The following DNAAF9 variants were observed in gnomAD, a reference collection of about 807,000 sequenced individuals.
The protein encoded by DNAAF9 is shulin.
Under a neutral mutation model 167.0 loss-of-function variants are expected in DNAAF9, and 90 were observed. The observed-to-expected ratio is 0.54, with a 90% CI of 0.45 to 0.64. DNAAF9 has a LOEUF of 0.64. Ranked by LOEUF, DNAAF9 falls within the 30% of genes least tolerant of loss-of-function variation. The pLI is 0.00. For missense variants in DNAAF9, 1,315 were observed against 1,442.2 expected (o/e 0.91, Z 1.43); for synonymous variants, 491 against 508.8 (o/e 0.96, Z 0.47).
In DNAAF9 at chr20:3,311,281, C is replaced by T. The variant is rs567856414; in HGVS notation, c.1678+3752G>A. ...TCAGCCTTCCAAGTAGATGGGACTA[C>T]AGGAATATGCCACCATGCCTGGCTA... On this transcript the variant is annotated intron_variant, in intron 20 of 36. Coordinates refer to ENST00000252032, the MANE Select transcript of DNAAF9 (RefSeq NM_001009984.3). Among the ~76,000 whole-genome samples, 4 of 151,750 alleles carry T rather than the reference C, an allele frequency of 2.6e-5. No individual in the cohort carries two copies. The East Asian group carries it at 7.8e-4, about 29-fold the overall frequency.
intron 29 of DNAAF9, among the ~76,000 whole-genome samples, chr20:3,277,066 G>T (rs2068686676): frequency 6.6e-6 from 1 of 152,092 alleles, no homozygotes; most frequent in Non-Finnish European, 1.5e-5. Flanking sequence ...GACAATTCTT[G>T]GAAGTATTCT....
At chr20:3,349,615 C>T (rs565769303) in intron 7 of DNAAF9, among the ~76,000 whole-genome samples, 84 of 152,250 alleles carry the variant, frequency 5.5e-4, no homozygotes, top group Non-Finnish European at 9.8e-4. Context: ...TGAGAAACTG[C>T]ACCCTTCTTA....
intron 7 of DNAAF9, among the ~76,000 whole-genome samples, chr20:3,356,503 T>G (rs372787579): frequency 6.6e-6 from 1 of 152,262 alleles, no homozygotes; most frequent in East Asian, 1.9e-4. Context: ...ACCAAATGTG[T>G]TTGCATTGAA....
In DNAAF9 at chr20:3,406,728, G is replaced by A. The variant is rs542083309; in HGVS notation, c.83+747C>T. Reference sequence around the variant, plus strand: ...TACGGTAAGGGGCCTGGCGTCCGCCGCTTTCGGAGGTTCTAGGCCTCTTTC... The same window carrying A: ...TACGGTAAGGGGCCTGGCGTCCGCCACTTTCGGAGGTTCTAGGCCTCTTTC... On this transcript the variant is annotated intron_variant, in intron 1 of 36. Transcript: ENST00000252032. 2.4e-3 allele frequency among the ~76,000 whole-genome samples: 369 copies of A among 152,258 alleles called. 2 individuals are homozygous for A. The highest frequency in any genetic ancestry group is 8.5e-3 in the African/African-American group (352 of 41,536).
At chr20:3,272,821 TTTA>T (rs1041224256) in intron 29 of DNAAF9, among the ~76,000 whole-genome samples, 2 of 152,234 alleles carry the variant, frequency 1.3e-5, no homozygotes, top group Admixed American at 1.3e-4. Context: ...TAATTATTTT[TTTA>T]TTATTATTAT....
At chr20:3,380,161 G>C (rs531870289) in intron 3 of DNAAF9, among the ~76,000 whole-genome samples, 1 of 152,306 alleles carries the variant, frequency 6.6e-6, no homozygotes, top group East Asian at 1.9e-4. Flanking sequence ...CTGGGCTGAG[G>C]TGAAACGTGT....
chr20:3,390,904 T>C (rs2083817744), intron 1 of DNAAF9, among the ~76,000 whole-genome samples: 1 of 152,176 alleles, frequency 6.6e-6, no homozygotes, highest in African/African-American at 2.4e-5. Flanking sequence ...TGTGGCCCAC[T>C]TCCCAACCCA....
At chr20:3,317,847 T>C (rs1381144733) in intron 17 of DNAAF9, among the ~76,000 whole-genome samples, 1 of 152,136 alleles carries the variant, frequency 6.6e-6, no homozygotes, top group African/African-American at 2.4e-5. Flanking sequence ...TTCGCCCACC[T>C]TGGGCTCCCA....
chr20:3,388,461 T>C (rs1431355934), intron 1 of DNAAF9, among the ~76,000 whole-genome samples: 2 of 152,136 alleles, frequency 1.3e-5, no homozygotes, highest in African/African-American at 2.4e-5. Flanking sequence ...CAGTTCTAGG[T>C]ATAAATTCCA....
Position 3,259,520 on chromosome 20 carries a change from G to A in DNAAF9, c.3015C>T (p.Ser1005=), listed in dbSNP as rs199867107. The A allele has an allele frequency of 1.2e-4, 199 of 1,613,136 alleles. No individual in the cohort carries two copies. The South Asian group carries it at 1.7e-3, about 14-fold the overall frequency. Residue 1005 remains serine (S), a synonymous_variant, in exon 33 of 37, where the codon TCC becomes TCT. Transcript: ENST00000252032. ...IQSSIKPSPF[S]GNIYHILGKV... is the part of the protein sequence containing the mutation. Reference sequence around the variant, plus strand: ...TGCCCAGGATGTGGTAGATGTTTCCGGAGAAGGGACTTGGCTTGATGGAGG... The same window carrying A: ...TGCCCAGGATGTGGTAGATGTTTCCAGAGAAGGGACTTGGCTTGATGGAGG...
In DNAAF9 at chr20:3,287,636, G is replaced by C; in HGVS notation, c.2482C>G (p.Gln828Glu). ...RKKTRLLVVL[Q>E]GYTDVIDVVQ... ...CAGGAGACTTCCAATGCTCACCCTT[G>C]TAACACCACCAGCAGTCTGGTCTTC... The change falls in exon 27 of 37, where the codon CAA (glutamine) becomes GAA (glutamate). Residue 828 changes from glutamine to glutamate, a missense_variant. Transcript: ENST00000252032. 3 of 1,614,142 alleles carry C rather than the reference G, an allele frequency of 1.9e-6. No homozygotes were observed. Among genetic ancestry groups the C allele is most frequent in the Non-Finnish European group, 2.5e-6 (3 of 1,179,992 alleles).
chr20:3,304,092 C>T (rs866290210), intron 21 of DNAAF9, among the ~76,000 whole-genome samples: 53 of 152,196 alleles, frequency 3.5e-4, no homozygotes, highest in African/African-American at 1.2e-3. Flanking sequence ...GAGCCTTGAG[C>T]CCCTGGACCT....
At chr20:3,258,629 A>C (rs1487984850) in intron 33 of DNAAF9, among the ~76,000 whole-genome samples, 1 of 152,166 alleles carries the variant, frequency 6.6e-6, no homozygotes, top group Admixed American at 6.5e-5. Context: ...CTGTAGCACC[A>C]CTTGGCAACC....
rs200531397 is a variant in DNAAF9, at chr20:3,332,321, G to A, written c.1022C>T (p.Ser341Leu). The change falls in exon 11 of 37, where the codon TCG (serine) becomes TTG (leucine). Residue 341 changes from serine to leucine, a missense_variant. By Grantham distance (145) the Ser-to-Leu change is moderately radical. This residue lies in a region of DNAAF9 where 981 missense variants were observed against 1,012.5 expected (regional missense o/e 0.97). Coordinates refer to ENST00000252032, the MANE Select transcript of DNAAF9 (RefSeq NM_001009984.3). ...CVSPKGPLAC[S>L]RTYFFGATHV... ...AGTAGCTCCAAAAAAGTATGTTCTC[G>A]AACAAGCAAGAGGTCCCTTTGGTGA... The A allele has an allele frequency of 1.9e-5, 30 of 1,608,810 alleles. No homozygotes were observed. Among genetic ancestry groups the A allele is most frequent in the East Asian group, 1.6e-4 (7 of 44,838 alleles).
At chr20:3,330,284 T>C (rs1339944734) in intron 12 of DNAAF9, among the ~76,000 whole-genome samples, 1 of 151,998 alleles carries the variant, frequency 6.6e-6, no homozygotes, top group Non-Finnish European at 1.5e-5. Flanking sequence ...CTCCCTCTGT[T>C]GCCAAGAGTG....
chr20:3,407,140 T>C (rs1452293014), intron 1 of DNAAF9, among the ~76,000 whole-genome samples: 1 of 152,050 alleles, frequency 6.6e-6, no homozygotes, highest in Non-Finnish European at 1.5e-5. Flanking sequence ...GAAGAATCCT[T>C]CCTGGGAGAA....
Position 3,298,058 on chromosome 20 carries a change from AT to A in DNAAF9, c.1899del (p.Lys633AsnfsTer26). ...GAGTAAAATGCTTGGTATATCTTCG[AT>A]TTGGGGAAAAGGGCAATCATCAGAA... The part of the protein sequence containing the change: ...SNFLMIALFP[K>X]SKIYQAFYSE... On this transcript the variant is annotated frameshift_variant, in exon 22 of 37. Coordinates refer to ENST00000252032, the MANE Select transcript of DNAAF9 (RefSeq NM_001009984.3). LOFTEE classifies it high-confidence loss of function. 6.2e-7 allele frequency: 1 copy of A among 1,613,486 alleles called. No homozygotes were observed. The highest frequency in any genetic ancestry group is 8.5e-7 in the Non-Finnish European group (1 of 1,179,402).
chr20:3,350,417 G>A (rs1026739281), intron 7 of DNAAF9, among the ~76,000 whole-genome samples: 11 of 152,104 alleles, frequency 7.2e-5, no homozygotes, highest in Middle Eastern at 3.2e-3. Context: ...AAATGTGTGT[G>A]TGTATACAGG....
At chr20:3,407,350 C>T in intron 1 of DNAAF9, 125 bp downstream of exon 1, 1 of 798,158 alleles carries the variant, frequency 1.3e-6, no homozygotes, top group Non-Finnish European at 1.7e-6. Flanking sequence ...CTCCCTGAGC[C>T]GTTCAGCAAA....
Sources: gnomAD v4.1 joint callset for allele counts (sites outside exome capture counted in the v4.1 genomes callset) on GRCh38, gnomAD v4.1.1 for gene constraint, gnomAD v4.1.1 regional missense constraint, MANE v1.5 for transcripts, NCBI Gene and HGNC (gene_info 2026-07-23, HGNC 2026-07-21) for gene names.